AUTS2: variants seen among roughly 807,000 people sequenced by gnomAD.
The protein encoded by AUTS2 is activator of transcription and developmental regulator AUTS2, also known as autism susceptibility gene 2 protein.
A neutral mutation model predicts 112.4 loss-of-function variants in AUTS2; 17 were observed. The observed-to-expected ratio is 0.15, with a 90% CI of 0.10 to 0.23. AUTS2 has a LOEUF of 0.23. Ranked by LOEUF, AUTS2 falls within the 10% of genes least tolerant of loss-of-function variation. The pLI is 1.00. For missense variants in AUTS2, 1,510 were observed against 1,701.6 expected (o/e 0.89, Z 1.98); for synonymous variants, 751 against 702.7 (o/e 1.07, Z -1.09).
chr7:70,313,863 G>C (rs934929869), intron 4 of AUTS2, among the ~76,000 whole-genome samples: 2 of 152,204 alleles, frequency 1.3e-5, no homozygotes, highest in African/African-American at 2.4e-5. Flanking sequence ...GGAATGGCAG[G>C]ACTGTGAATG....
At chr7:70,778,089 A>G (rs1408519923) in intron 14 of AUTS2, among the ~76,000 whole-genome samples, 4 of 152,120 alleles carry the variant, frequency 2.6e-5, no homozygotes, top group South Asian at 2.1e-4. Flanking sequence ...TTTTGTCTAT[A>G]TTTTCATCAT....
At chr7:70,357,695 A>G (rs755318170) in intron 4 of AUTS2, among the ~76,000 whole-genome samples, 7 of 152,218 alleles carry the variant, frequency 4.6e-5, no homozygotes, top group African/African-American at 1.4e-4. Flanking sequence ...TTAGAAAATC[A>G]TTATGAAGTA....
intron 11 of AUTS2, among the ~76,000 whole-genome samples, chr7:70,773,275 C>T (rs1372199830): frequency 1.3e-5 from 2 of 152,116 alleles, no homozygotes; most frequent in Non-Finnish European, 1.5e-5. Flanking sequence ...GTTGTGATTT[C>T]TTCCATAAAA....
chr7:70,575,964 G>T (rs1473755837), intron 5 of AUTS2, among the ~76,000 whole-genome samples: 1 of 152,136 alleles, frequency 6.6e-6, no homozygotes, highest in Non-Finnish European at 1.5e-5. Flanking sequence ...AGGTAGCATG[G>T]CTGTCCCCAG....
At chr7:69,951,189 G>C (rs764875914) in intron 2 of AUTS2, among the ~76,000 whole-genome samples, 8 of 152,014 alleles carry the variant, frequency 5.3e-5, no homozygotes, top group Non-Finnish European at 1.2e-4. Flanking sequence ...TTTATAATTT[G>C]TCAACAGAAC....
chr7:70,422,565 T>C (rs564299777), intron 4 of AUTS2, among the ~76,000 whole-genome samples: 6 of 152,204 alleles, frequency 3.9e-5, no homozygotes, highest in African/African-American at 1.4e-4. Context: ...TCACCTGAGG[T>C]CAGGCGTTTG....
At chr7:69,669,788 G>A (rs1177226443) in intron 1 of AUTS2, among the ~76,000 whole-genome samples, 2 of 151,826 alleles carry the variant, frequency 1.3e-5, no homozygotes, top group Non-Finnish European at 2.9e-5. Flanking sequence ...GAAGGATATG[G>A]CCCTGACATC....
At chr7:70,702,972 C>G (rs1041581753) in intron 6 of AUTS2, among the ~76,000 whole-genome samples, 1 of 152,264 alleles carries the variant, frequency 6.6e-6, no homozygotes, top group African/African-American at 2.4e-5. Context: ...GTTCTATCAG[C>G]ATTGTAGAAA....
At chr7:69,675,715 C>T (rs186753256) in intron 1 of AUTS2, among the ~76,000 whole-genome samples, 40 of 151,982 alleles carry the variant, frequency 2.6e-4, no homozygotes, top group Admixed American at 1.2e-3. Context: ...CTATGCTGGC[C>T]AGGTTGGTCT....
At chr7:70,287,172 T>G (rs927792110) in intron 4 of AUTS2, among the ~76,000 whole-genome samples, 9 of 152,198 alleles carry the variant, frequency 5.9e-5, no homozygotes, top group Non-Finnish European at 1.2e-4. Flanking sequence ...TGGATCTCTG[T>G]ATCTCTTCAA....
rs1191761534 is a variant in AUTS2 at position 70,631,373 on chromosome 7, G to A, written c.691-67196G>A. ...GCGGCGGGGAAGCATGTGCACATGC[G>A]TGTCTGCACTGCTGTGTGCGTGTCG... On this transcript the variant is annotated intron_variant, in intron 5 of 18. Transcript: ENST00000342771. This position sits in a 1 kb window ranked among gnomAD's most constrained non-coding sequence, Gnocchi z 4.5. Among the ~76,000 whole-genome samples the A allele has an allele frequency of 1.3e-5, 2 of 152,210 alleles. No individual in the cohort carries two copies. Among genetic ancestry groups the A allele is most frequent in the Admixed American group, 6.5e-5 (1 of 15,288 alleles).
At chr7:69,900,982 A>G (rs1276649241) in intron 2 of AUTS2, among the ~76,000 whole-genome samples, 3 of 152,350 alleles carry the variant, frequency 2.0e-5, no homozygotes, top group Middle Eastern at 3.4e-3. Context: ...CTTAACAGCT[A>G]TGGAAACGAG....
intron 1 of AUTS2, among the ~76,000 whole-genome samples, chr7:69,645,846 CTGAA>C (rs1171423849): frequency 6.6e-6 from 1 of 152,044 alleles, no homozygotes; most frequent in Non-Finnish European, 1.5e-5. Flanking sequence ...ATTTACATCT[CTGAA>C]TGGCAACAGA....
chr7:69,740,651 G>T (rs1367248714), intron 1 of AUTS2, among the ~76,000 whole-genome samples: 1 of 152,074 alleles, frequency 6.6e-6, no homozygotes, highest in East Asian at 1.9e-4. Context: ...AGCCTCCCAA[G>T]GAGCTGGGAT....
At chr7:69,825,643 C>G (rs142895380) in intron 1 of AUTS2, 1 of 152,076 alleles carries the variant, frequency 6.6e-6, no homozygotes, top group Admixed American at 6.6e-5. Context: ...TCACTATCCT[C>G]CACTTCACTT....
intron 4 of AUTS2, among the ~76,000 whole-genome samples, chr7:70,379,464 T>C (rs1327028620): frequency 2.0e-5 from 3 of 150,494 alleles, no homozygotes; most frequent in Non-Finnish European, 2.9e-5. Context: ...ATTGCACAAC[T>C]GCACTCCACC....
intron 1 of AUTS2, among the ~76,000 whole-genome samples, chr7:69,694,852 C>T (rs1053094096): frequency 6.6e-6 from 1 of 152,086 alleles, no homozygotes; most frequent in African/African-American, 2.4e-5. Flanking sequence ...ATTACTTTTT[C>T]TAGCTTTGCA....
chr7:70,306,632 A>G (rs1182962296), intron 4 of AUTS2, among the ~76,000 whole-genome samples: 7 of 152,234 alleles, frequency 4.6e-5, no homozygotes, highest in African/African-American at 1.7e-4. Flanking sequence ...AAGAGACTTG[A>G]ACAAACACTG....
chr7:70,018,269 C>T (rs956667170), intron 2 of AUTS2, among the ~76,000 whole-genome samples: 1 of 151,482 alleles, frequency 6.6e-6, no homozygotes, highest in Non-Finnish European at 1.5e-5. Context: ...TTTCTATATT[C>T]GCTGACTTTT....
Sources: gnomAD v4.1 joint callset for allele counts (sites outside exome capture counted in the v4.1 genomes callset) on GRCh38, gnomAD v4.1.1 for gene constraint, Gnocchi (gnomAD v3.1) non-coding constraint, MANE v1.5 for transcripts, NCBI Gene and HGNC (gene_info 2026-07-23, HGNC 2026-07-21) for gene names.